Variants in EVA1B observed in about 807,000 individuals in gnomAD.
The protein encoded by EVA1B is eva-1 homolog B.
Under a neutral mutation model 4.6 loss-of-function variants are expected in EVA1B, and 2 were observed. That is an observed-to-expected ratio of 0.43 (90% CI 0.18 to 1.37). The LOEUF (loss-of-function observed/expected upper bound fraction) is 1.37, where lower values mean the gene tolerates loss of function less well. Ranked by LOEUF, EVA1B falls within the 40% of genes most tolerant of loss-of-function variation. The probability of loss-of-function intolerance (pLI) is 0.28; values close to 1 mark genes in which losing one functional copy is unlikely to be tolerated. For missense variants in EVA1B, 263 were observed against 240.4 expected (o/e 1.09, Z -0.62); for synonymous variants, 124 against 115.8 (o/e 1.07, Z -0.46).
At chr1:36,323,302 G>T (rs1557491850) in intron 1 of EVA1B, among the ~76,000 whole-genome samples, 157 bp downstream of exon 1, 1 of 151,970 alleles carries the variant, frequency 6.6e-6, no homozygotes, top group Non-Finnish European at 1.5e-5. Flanking sequence ...CCCTGGTGAG[G>T]TCCCCAGCTG....
Position 36,322,452 on chromosome 1 carries a change from G to A in EVA1B, c.341C>T (p.Thr114Met). The change falls in exon 3 of 3, where the codon ACG becomes ATG. Residue 114 changes from threonine (T) to methionine (M), a missense_variant. Thr to Met is a moderately conservative substitution (Grantham distance 81). Transcript: ENST00000490466. ...PDGPLNVNVF[T>M]SAEELERAQR... ...CGCCCGCTCCAGCTCCTCCGCCGAC[G>A]TGAAGACGTTGACGTTGAGGGGCCC... 6.2e-7 allele frequency: 1 copy of A among 1,604,750 alleles called. No homozygotes were observed.
Position 36,322,211 on chromosome 1 carries a change from G to T in EVA1B, c.*84C>A. The T allele has an allele frequency of 7.2e-7, 1 of 1,393,956 alleles. No homozygotes were observed. The highest frequency in any genetic ancestry group is 1.5e-5 in the South Asian group (1 of 65,506). The allele number at this position is 1,393,956 out of a possible 1,614,324, so 86.3% of individuals were successfully genotyped here. ...GTAGCACCTGGGAGCTGTGGGGGCC[G>T]AGGCAGTCCGAAGGTGTGGGGTAGC... On this transcript the variant is annotated 3_prime_UTR_variant, in exon 3 of 3. Transcript: ENST00000490466.
At position 36,322,558 on chromosome 1, in the gene EVA1B, C is replaced by T; in HGVS notation, c.235G>A (p.Asp79Asn). The T allele has an allele frequency of 1.9e-6, 3 of 1,589,754 alleles. No individual in the cohort carries two copies. Among genetic ancestry groups the T allele is most frequent in the South Asian group, 2.2e-5 (2 of 89,888 alleles). Residue 79 changes from aspartate to asparagine, a missense_variant, in exon 3 of 3, where the codon GAC becomes AAC. By Grantham distance (23) the Asp-to-Asn change is conservative. Transcript: ENST00000490466. ...RSSTLEPEDD[D>N]EDEEDTVTRL... The stretch of plus-strand genomic sequence containing the variant: ...GTCACCGTGTCCTCCTCGTCCTCGT[C>T]GTCGTCCTCGGGCTCCAGGGTGCTG...
rs1355874765 is a variant in EVA1B at position 36,322,491 on chromosome 1, G to C, written c.302C>G (p.Ser101Cys). The C allele has an allele frequency of 1.9e-6, 3 of 1,603,592 alleles. No individual in the cohort carries two copies. The highest frequency in any genetic ancestry group is 1.7e-6 in the Non-Finnish European group (2 of 1,179,126). The change falls in exon 3 of 3, where the codon TCC becomes TGC. Residue 101 changes from serine to cysteine, a missense_variant. By Grantham distance (112) the Ser-to-Cys change is moderately radical (BLOSUM62 -1). Transcript: ENST00000490466. ...PDDTLPGPEL[S>C]AEPDGPLNVN... ...GTTGAGGGGCCCGTCCGGCTCTGCG[G>C]ACAGCTCGGGGCCCGGCAGCGTGTC...
At position 36,322,187 on chromosome 1, in the gene EVA1B, TA is replaced by T; in HGVS notation, c.*107del. 7.3e-7 allele frequency: 1 copy of T among 1,363,302 alleles called. No homozygotes were observed. The allele number at this position is 1,363,302 out of a possible 1,614,324, so 84.5% of individuals were successfully genotyped here. A position where few individuals can be genotyped will look rare whatever the true frequency, so the allele number is the denominator to read the frequency against. Reference sequence around the variant, plus strand: ...TCAGGGGGTGGCGGTCCACGCCCAGTAGCACCTGGGAGCTGTGGGGGCCGAG... The same window carrying T: ...TCAGGGGGTGGCGGTCCACGCCCAGTGCACCTGGGAGCTGTGGGGGCCGAG... On this transcript the variant is annotated 3_prime_UTR_variant, in exon 3 of 3. Transcript: ENST00000490466.
intron 2 of EVA1B, 48 bp from the exon 3 acceptor site, chr1:36,322,773 G>A: frequency 6.6e-7 from 1 of 1,526,510 alleles, no homozygotes; most frequent in Non-Finnish European, 8.8e-7. Flanking sequence ...ACGGGTGGGG[G>A]TTGTCCCACT....
intron 2 of EVA1B, 21 bp downstream of exon 2, chr1:36,322,950 T>TAC (rs765706320): frequency 1.2e-6 from 2 of 1,606,496 alleles, no homozygotes; most frequent in Non-Finnish European, 1.7e-6. Context: ...AGGCCCCCAG[T>TAC]CTTCCGGCGC....
Position 36,322,996 on chromosome 1 carries a change from G to A in EVA1B, c.42C>T (p.Ser14=), listed in dbSNP as rs1292358137. Reference sequence around the variant, plus strand: ...CGCGGATGTGCGCGTAGGCAGCCAGGCTGTTGCTGAGCAACTCCATGTCCC... The same window carrying A: ...CGCGGATGTGCGCGTAGGCAGCCAGACTGTTGCTGAGCAACTCCATGTCCC... The part of the protein sequence containing the change: ...PRRDMELLSN[S]LAAYAHIRAN... Residue 14 remains serine, a synonymous_variant, in exon 2 of 3, where the codon AGC becomes AGT. Coordinates refer to ENST00000490466, the MANE Select transcript of EVA1B (RefSeq NM_001304762.2). 2.5e-6 allele frequency: 4 copies of A among 1,605,474 alleles called. No individual in the cohort carries two copies. In the Admixed American group the frequency reaches 5.2e-5, roughly 21 times the overall value.
Position 36,322,710 on chromosome 1 carries a change from A to C in EVA1B, c.83T>G (p.Phe28Cys). 5.2e-6 allele frequency: 8 copies of C among 1,546,948 alleles called. No individual in the cohort carries two copies. Among genetic ancestry groups the C allele is most frequent in the Non-Finnish European group, 7.0e-6 (8 of 1,146,778 alleles). ...YAHIRANPES[F>C]GLYFVLGVCF... Reference sequence around the variant, plus strand: ...GACGCCCAGCACGAAGTAGAGGCCGAAGCTCTCGGGGTTGGCTGCGGGGCA... The same window carrying C: ...GACGCCCAGCACGAAGTAGAGGCCGCAGCTCTCGGGGTTGGCTGCGGGGCA... The change falls in exon 3 of 3, where the codon TTC becomes TGC. Residue 28 changes from phenylalanine to cysteine, a missense_variant. Transcript: ENST00000490466.
Position 36,322,085 on chromosome 1 carries a change from G to T in EVA1B, c.*210C>A. Reference sequence around the variant, plus strand: ...TCACTTCACCTCTTCATCGACCCCAGAGAGGGAGTGGGGACCCTGCATGCT... The same window carrying T: ...TCACTTCACCTCTTCATCGACCCCATAGAGGGAGTGGGGACCCTGCATGCT... On this transcript the variant is annotated 3_prime_UTR_variant, in exon 3 of 3. Transcript: ENST00000490466. The T allele has an allele frequency of 7.4e-7, 1 of 1,355,422 alleles. No individual in the cohort carries two copies. The highest frequency in any genetic ancestry group is 9.4e-7 in the Non-Finnish European group (1 of 1,058,202). The allele number at this position is 1,355,422 out of a possible 1,614,324, so 84.0% of individuals were successfully genotyped here. A position where few individuals can be genotyped will look rare whatever the true frequency, so the allele number is the denominator to read the frequency against.
upstream of EVA1B, chr1:36,323,683 G>A (rs1570415241): frequency 2.0e-5 from 3 of 152,196 alleles, no homozygotes; most frequent in South Asian, 6.2e-4. Context: ...GGGAGGCGGG[G>A]AGGAAAAGGG....
chr1:36,322,872 G>A (rs919006336), intron 2 of EVA1B, 99 bp downstream of exon 2: 3 of 1,533,878 alleles, frequency 2.0e-6, no homozygotes, highest in Middle Eastern at 1.9e-4. Context: ...GCAAGAGGGC[G>A]GGGAGCGGGG....
Position 36,322,375 on chromosome 1 carries a change from G to T in EVA1B, c.418C>A (p.Gln140Lys), listed in dbSNP as rs1167142403. 2 of 1,592,126 alleles carry T rather than the reference G, an allele frequency of 1.3e-6. No homozygotes were observed. Among genetic ancestry groups the T allele is most frequent in the South Asian group, 1.1e-5 (1 of 89,754 alleles). The change falls in exon 3 of 3, where the codon CAG (glutamine) becomes AAG (lysine). Residue 140 changes from glutamine to lysine, a missense_variant. Transcript: ENST00000490466. ...GTGCCTGTGCCCAGCAGGTCCGGCT[G>T]CCCGGTGCGCCAGATCTCCCGCAGG... Reference protein sequence around the residue: ...RILREIWRTGQPDLLGTGTLG... With the variant: ...RILREIWRTGKPDLLGTGTLG...
intron 1 of EVA1B, among the ~76,000 whole-genome samples, 190 bp downstream of exon 1, chr1:36,323,269 C>T (rs1272823737): frequency 6.6e-6 from 1 of 152,190 alleles, no homozygotes; most frequent in Admixed American, 6.5e-5. Context: ...GGAGCAGCGC[C>T]GGGGACCGCG....
rs754190302 is a variant in EVA1B, at chr1:36,322,602, TGAGCCGGGCCCCGGGGCC to T, written c.173_190del (p.Arg58_Ala63del). On this transcript the variant is annotated inframe_deletion, in exon 3 of 3. Coordinates refer to ENST00000490466, the MANE Select transcript of EVA1B (RefSeq NM_001304762.2). The stretch of plus-strand genomic sequence containing the variant: ...GGTGCTGCTGCGGGGGTCCCGGCGC[TGAGCCGGGCCCCGGGGCC>T]GCGGGCGGGGCGCCCACGAGATGCT... 9 of 1,556,662 alleles carry T rather than the reference TGAGCCGGGCCCCGGGGCC, an allele frequency of 5.8e-6. No individual in the cohort carries two copies. The highest frequency in any genetic ancestry group is 1.9e-5 in the Admixed American group (1 of 51,546).
Position 36,322,371 on chromosome 1 carries a change from G to T in EVA1B, c.422C>A (p.Pro141Gln), listed in dbSNP as rs1261115467. 6.3e-7 allele frequency: 1 copy of T among 1,590,884 alleles called. No individual in the cohort carries two copies. Among genetic ancestry groups the T allele is most frequent in the East Asian group, 2.2e-5 (1 of 44,544 alleles). Reference sequence around the variant, plus strand: ...CAGCGTGCCTGTGCCCAGCAGGTCCGGCTGCCCGGTGCGCCAGATCTCCCG... The same window carrying T: ...CAGCGTGCCTGTGCCCAGCAGGTCCTGCTGCCCGGTGCGCCAGATCTCCCG... The part of the protein sequence containing the change: ...ILREIWRTGQ[P>Q]DLLGTGTLGP... The change falls in exon 3 of 3, where the codon CCG becomes CAG. Residue 141 changes from proline (P) to glutamine (Q), a missense_variant. By Grantham distance (76) the Pro-to-Gln change is moderately conservative (BLOSUM62 -1). Coordinates refer to ENST00000490466, the MANE Select transcript of EVA1B (RefSeq NM_001304762.2).
At position 36,322,290 on chromosome 1, in the gene EVA1B, G is replaced by C; in HGVS notation, c.*5C>G. The C allele has an allele frequency of 6.6e-7, 1 of 1,505,194 alleles. No homozygotes were observed. The highest frequency in any genetic ancestry group is 8.8e-7 in the Non-Finnish European group (1 of 1,134,236). The allele number at this position is 1,505,194 out of a possible 1,614,324, so 93.2% of individuals were successfully genotyped here. A position where few individuals can be genotyped will look rare whatever the true frequency, so the allele number is the denominator to read the frequency against. On this transcript the variant is annotated 3_prime_UTR_variant, in exon 3 of 3. Transcript: ENST00000490466. ...CGAGCGCCTTGCAGCGGGAGCCGGGGCCCATCAGTAATAGTGCATGCGGCC... is the reference window on the plus strand; with the variant it reads ...CGAGCGCCTTGCAGCGGGAGCCGGGCCCCATCAGTAATAGTGCATGCGGCC...
At position 36,323,599 on chromosome 1, in the gene EVA1B, C is replaced by G. The variant is rs1317669363; in HGVS notation, c.-171G>C. 1 of 152,132 alleles carries G rather than the reference C, an allele frequency of 6.6e-6. No individual in the cohort carries two copies. Among genetic ancestry groups the G allele is most frequent in the Non-Finnish European group, 1.5e-5 (1 of 68,014 alleles). The allele number at this position is 152,132 out of a possible 1,614,324, so 9.4% of individuals were successfully genotyped here. On this transcript the variant is annotated 5_prime_UTR_variant, in exon 1 of 3. Coordinates refer to ENST00000490466, the MANE Select transcript of EVA1B (RefSeq NM_001304762.2). Reference sequence around the variant, plus strand: ...CCAGGCCGCGGCAGCACGGGCGGGACACGGACCGAGGGACCAGCCGGCGGA... The same window carrying G: ...CCAGGCCGCGGCAGCACGGGCGGGAGACGGACCGAGGGACCAGCCGGCGGA...
In EVA1B at chr1:36,322,664, G is replaced by A. The variant is rs1333302348; in HGVS notation, c.129C>T (p.Thr43=). The A allele has an allele frequency of 1.3e-6, 2 of 1,547,412 alleles. No homozygotes were observed. The highest frequency in any genetic ancestry group is 2.0e-5 in the Admixed American group (1 of 50,994). ...VLGVCFGLLL[T]LCLLVISISW... ...AGATGCTGATGACGAGCAGGCAGAG[G>A]GTGAGCAGCAGGCCGAAGCAGACGC... The change falls in exon 3 of 3, where the codon ACC becomes ACT. Residue 43 remains threonine (T), a synonymous_variant. Transcript: ENST00000490466.
Sources: allele counts gnomAD v4.1 joint callset (sites outside exome capture counted in the v4.1 genomes callset), GRCh38; gene constraint gnomAD v4.1.1; transcripts MANE v1.5; gene names NCBI Gene and HGNC (gene_info 2026-07-23, HGNC 2026-07-21).